RBM45: variants seen among roughly 807,000 people sequenced by gnomAD.
The protein encoded by RBM45 is RNA-binding protein 45.
A neutral mutation model predicts 58.5 loss-of-function variants in RBM45; 39 were observed. The ratio of observed to expected loss-of-function variants is 0.67; its 90% CI spans 0.52 to 0.87. The LOEUF (loss-of-function observed/expected upper bound fraction) is 0.87. RBM45 is among the 40% of genes least tolerant of loss of function. RBM45 has a pLI of 0.00. For synonymous variants in RBM45, 193 were observed against 203.0 expected, an observed-to-expected ratio of 0.95 and a Z score of 0.42; for missense variants, 481 against 581.6, an observed-to-expected ratio of 0.83 and a Z score of 1.78.
chr2:178,122,021 A>G (rs2087859575), intron 5 of RBM45, among the ~76,000 whole-genome samples: 1 of 152,130 alleles, frequency 6.6e-6, no homozygotes, highest in Non-Finnish European at 1.5e-5. Context: ...CTGGCATTCC[A>G]TTTTGCATAG....
intron 3 of RBM45, among the ~76,000 whole-genome samples, chr2:178,119,679 G>A (rs537429585): frequency 6.6e-6 from 1 of 152,228 alleles, no homozygotes; most frequent in Admixed American, 6.5e-5. Context: ...ATAATGTGAA[G>A]AAAACTGAAC....
At chr2:178,120,447 G>T (rs1293008522) in intron 4 of RBM45, 38 bp downstream of exon 4, 1 of 1,545,952 alleles carries the variant, frequency 6.5e-7, no homozygotes, top group African/African-American at 1.4e-5. Flanking sequence ...GTATAATGTA[G>T]TATATGCAAT....
downstream of RBM45, among the ~76,000 whole-genome samples, chr2:178,130,715 A>T (rs918124888): frequency 6.6e-6 from 1 of 152,248 alleles, no homozygotes; most frequent in African/African-American, 2.4e-5. Flanking sequence ...AAACGTAATT[A>T]TCTCCTCATT....
rs1258221985 is a variant in RBM45 at position 178,123,565 on chromosome 2, T to C, written c.897T>C (p.Tyr299=). The C allele has an allele frequency of 1.2e-6, 2 of 1,606,692 alleles. No individual in the cohort carries two copies. The highest frequency in any genetic ancestry group is 2.2e-5 in the East Asian group (1 of 44,846). The change falls in exon 6 of 10, where the codon TAT becomes TAC. Residue 299 remains tyrosine, a synonymous_variant. Transcript: ENST00000286070. Reference sequence around the variant, plus strand: ...ATTTTAATGTAGCATCAGCTATTTATGCAAAATACAAATTACATGGATTTC... The same window carrying C: ...ATTTTAATGTAGCATCAGCTATTTACGCAAAATACAAATTACATGGATTTC... ...VQYFNVASAI[Y]AKYKLHGFQY... is the part of the protein sequence containing the mutation.
Position 178,123,523 on chromosome 2 carries a change from T to C in RBM45, c.855T>C (p.Gly285=). 1 of 1,581,760 alleles carries C rather than the reference T, an allele frequency of 6.3e-7. No homozygotes were observed. The highest frequency in any genetic ancestry group is 1.2e-5 in the South Asian group (1 of 83,716). The change falls in exon 6 of 10, where the codon GGT becomes GGC. Residue 285 remains glycine (G), a splice_region_variant and synonymous_variant. Coordinates refer to ENST00000286070, the MANE Select transcript of RBM45 (RefSeq NM_152945.4). ...EVQRDPYSNY[G]HGVVQYFNVA... ...ATTTCTGTATGTTCTCTATTTTAGG[T>C]CATGGAGTGGTTCAGTATTTTAATG...
chr2:178,117,346 A>C (rs2087790544), intron 2 of RBM45, among the ~76,000 whole-genome samples: 1 of 152,156 alleles, frequency 6.6e-6, no homozygotes, highest in Admixed American at 6.5e-5. Flanking sequence ...TTTAATGTAT[A>C]GTAATTAAGT....
Position 178,121,263 on chromosome 2 carries a change from A to G in RBM45, c.757A>G (p.Arg253Gly), listed in dbSNP as rs773038210. 2.1e-5 allele frequency: 33 copies of G among 1,602,412 alleles called. No individual in the cohort carries two copies. Among genetic ancestry groups the G allele is most frequent in the Non-Finnish European group, 2.7e-5 (32 of 1,172,892 alleles). ...CTCCAAACGCTTGTCAGTTGTATCA[A>G]GAGTTCCTTTCACTGAAGAACAGCT... ...AISKRLSVVS[R>G]VPFTEEQLFS... Residue 253 changes from arginine (R) to glycine (G), a missense_variant, in exon 5 of 10, where the codon AGA (arginine) becomes GGA (glycine). By Grantham distance (125) the Arg-to-Gly change is moderately radical. Coordinates refer to ENST00000286070, the MANE Select transcript of RBM45 (RefSeq NM_152945.4).
intron 8 of RBM45, chr2:178,125,713 A>G (rs1205954467): frequency 5.0e-6 from 3 of 603,824 alleles, no homozygotes; most frequent in South Asian, 1.5e-5. Context: ...CACTCAGAAG[A>G]CAGAGTGAAA....
chr2:178,126,967 C>T (rs1220565453), intron 9 of RBM45, among the ~76,000 whole-genome samples: 25 of 151,950 alleles, frequency 1.6e-4, no homozygotes, highest in Admixed American at 1.6e-3. Context: ...CGAGACGTCT[C>T]GGTCTGTCAC....
chr2:178,124,746 C>T (rs1378037021), intron 8 of RBM45, among the ~76,000 whole-genome samples: 4 of 152,010 alleles, frequency 2.6e-5, no homozygotes, highest in African/African-American at 4.8e-5. Flanking sequence ...CCCAGGAGGT[C>T]GAGGTTGCAG....
downstream of RBM45, among the ~76,000 whole-genome samples, chr2:178,133,272 TG>T (rs1399984859): frequency 6.6e-6 from 1 of 152,242 alleles, no homozygotes; most frequent in Non-Finnish European, 1.5e-5. Context: ...TTTTGATGTT[TG>T]TAAAGGATAG....
chr2:178,115,979 C>T (rs1349009884), intron 1 of RBM45, among the ~76,000 whole-genome samples: 1 of 151,990 alleles, frequency 6.6e-6, no homozygotes, highest in Non-Finnish European at 1.5e-5. Flanking sequence ...ATAGCAAGAC[C>T]TTGTCTCTAC....
At position 178,123,668 on chromosome 2, in the gene RBM45, G is replaced by GA. The variant is rs754423320; in HGVS notation, c.983+18dup. Reference sequence around the variant, plus strand: ...TGCAACAGAGTAAGTACCATTCCAGGAGTGTCTAAAGCCGAGCTTTGAGTG... The same window carrying GA: ...TGCAACAGAGTAAGTACCATTCCAGGAAGTGTCTAAAGCCGAGCTTTGAGTG... On this transcript the variant is annotated intron_variant, in intron 6 of 9. Coordinates refer to ENST00000286070, the MANE Select transcript of RBM45 (RefSeq NM_152945.4). 1 of 1,595,486 alleles carries GA rather than the reference G, an allele frequency of 6.3e-7. No individual in the cohort carries two copies. The highest frequency in any genetic ancestry group is 8.5e-7 in the Non-Finnish European group (1 of 1,173,382).
At chr2:178,136,543 A>T (rs1330464294) in exon 4 of RBM45, 1 of 152,200 alleles carries the variant, frequency 6.6e-6, no homozygotes, top group African/African-American at 2.4e-5. Context: ...GGGGAGTCAT[A>T]AAAGATCTCG....
At chr2:178,119,771 C>A (rs1473168218) in intron 3 of RBM45, among the ~76,000 whole-genome samples, 1 of 152,062 alleles carries the variant, frequency 6.6e-6, no homozygotes, top group Non-Finnish European at 1.5e-5. Flanking sequence ...ATCTTCCCAC[C>A]TTTTGAAGCT....
chr2:178,124,390 A>G, intron 8 of RBM45, 100 bp downstream of exon 8: 1 of 660,036 alleles, frequency 1.5e-6, no homozygotes. Flanking sequence ...TCAAGTAGAG[A>G]GTATTAGTTC....
At position 178,118,129 on chromosome 2, in the gene RBM45, A is replaced by G. The variant is rs1195625035; in HGVS notation, c.498A>G (p.Val166=). Residue 166 remains valine (V), a synonymous_variant, in exon 3 of 10, where the codon GTA becomes GTG. Transcript: ENST00000286070. ...GAGAAAGTAAAGGTTTGGGCTACGT[A>G]CGATACTTAAAACCATCACAAGCTG... ...VTGESKGLGY[V]RYLKPSQAAQ... The G allele has an allele frequency of 6.2e-7, 1 of 1,613,138 alleles. No homozygotes were observed. The highest frequency in any genetic ancestry group is 8.5e-7 in the Non-Finnish European group (1 of 1,179,390).
chr2:178,130,809 A>G (rs1263572038), downstream of RBM45, among the ~76,000 whole-genome samples: 2 of 152,242 alleles, frequency 1.3e-5, no homozygotes, highest in African/African-American at 4.8e-5. Flanking sequence ...GGACATCTCC[A>G]TTGGAAAACT....
intron 8 of RBM45, among the ~76,000 whole-genome samples, chr2:178,125,352 T>C (rs906427790): frequency 5.9e-5 from 9 of 152,172 alleles, no homozygotes; most frequent in Non-Finnish European, 1.3e-4. Flanking sequence ...AGGGTGATTG[T>C]TGCTGTGATA....
Sources: gnomAD v4.1 joint callset for allele counts (sites outside exome capture counted in the v4.1 genomes callset) on GRCh38, gnomAD v4.1.1 for gene constraint, MANE v1.5 for transcripts, NCBI Gene and HGNC (gene_info 2026-07-23, HGNC 2026-07-21) for gene names.